The following TNRC6B variants were observed in gnomAD, a reference collection of about 807,000 sequenced individuals.
The protein encoded by TNRC6B is trinucleotide repeat containing adaptor 6B.
TNRC6B carries 52 observed loss-of-function variants against 203.6 expected under a neutral mutation model. That is an observed-to-expected ratio of 0.26 (90% CI 0.20 to 0.32). The LOEUF is 0.32. Ranked by LOEUF, TNRC6B falls within the 10% of genes least tolerant of loss-of-function variation. TNRC6B has a pLI of 1.00. For synonymous variants in TNRC6B, 838 were observed against 845.7 expected, an observed-to-expected ratio of 0.99 and a Z score of 0.16; for missense variants, 1,923 against 2,286.2, an observed-to-expected ratio of 0.84 and a Z score of 3.24.
Position 40,126,593 on chromosome 22 carries a change from T to A in TNRC6B, c.45+731T>A, listed in dbSNP as rs1405842529. ...GGACGTTATTTAATTTTTTTTTTTTTTTTTTTTTTTTTTTTTAGACTGGGC... is the reference window on the plus strand; with the variant it reads ...GGACGTTATTTAATTTTTTTTTTTTATTTTTTTTTTTTTTTTAGACTGGGC... On this transcript the variant is annotated intron_variant, in intron 3 of 23. Transcript: ENST00000301923. Among the ~76,000 whole-genome samples, 18 of 137,628 alleles carry A rather than the reference T, an allele frequency of 1.3e-4. 1 individual carries two copies. Among genetic ancestry groups the A allele is most frequent in the African/African-American group, 4.8e-4 (17 of 35,424 alleles). The allele number at this position is 137,628 out of a possible 152,430, so 90.3% of individuals were successfully genotyped here.
Position 40,246,038 on chromosome 22 carries a change from A to G in TNRC6B, c.29A>G (p.Glu10Gly), listed in dbSNP as rs1325545912. The G allele has an allele frequency of 1.9e-6, 3 of 1,549,126 alleles. No homozygotes were observed. The highest frequency in any genetic ancestry group is 2.6e-6 in the Non-Finnish European group (3 of 1,146,030). Reference protein sequence around the residue: MREKEQEREEQLMEDKKRKK... With the variant: MREKEQEREGQLMEDKKRKK... ...AGAGAGAAGGAGCAAGAAAGGGAAG[A>G]ACAGTTAATGGAAGACAAGAAAAGG... is the stretch of plus-strand genomic sequence containing the variant. Residue 10 changes from glutamate (E) to glycine (G), a missense_variant, in exon 2 of 23, where the codon GAA (glutamate) becomes GGA (glycine). Glu to Gly is a moderately conservative substitution (Grantham distance 98). Around this residue, in one of 8 missense-constraint regions of TNRC6B, gnomAD observed 111 missense variants for 155.3 expected, o/e 0.71. Transcript: ENST00000454349.
intron 4 of TNRC6B, 43 bp from the exon 5 acceptor site, chr22:40,264,645 A>G (rs2070445639): frequency 6.5e-7 from 1 of 1,533,032 alleles, no homozygotes; most frequent in East Asian, 2.3e-5. Context: ...ATGGGTAATG[A>G]ATGCATTTGA....
At chr22:40,227,075 AATT>A (rs66592054) in intron 1 of TNRC6B, among the ~76,000 whole-genome samples, 89,807 of 136,806 alleles carry the variant, frequency 0.66, 30,565 homozygotes, top group South Asian at 0.76. Context: ...ACACCCAGCT[AATT>A]ATTATTATTA....
rs558236723 is a variant in TNRC6B at position 40,163,685 on chromosome 22, C to T, written c.113+7503C>T. On this transcript the variant is annotated intron_variant, in intron 4 of 23. Transcript: ENST00000301923. ...CTGAGGCAGGAGAATCACTTGAACC[C>T]GGGAGGTGGAGGTTGCAGTGAGCCA... Among the ~76,000 whole-genome samples, 262 of 150,970 alleles carry T rather than the reference C, an allele frequency of 1.7e-3. 1 individual carries two copies. The highest frequency in any genetic ancestry group is 2.6e-3 in the Admixed American group (40 of 15,180).
chr22:40,080,887 C>T (rs370372406), intron 1 of TNRC6B, among the ~76,000 whole-genome samples: 11 of 149,602 alleles, frequency 7.4e-5, no homozygotes, highest in African/African-American at 2.0e-4. Flanking sequence ...GGCAGAGTCT[C>T]GCCGTGACAC....
chr22:40,072,272 T>A (rs1309862506), intron 1 of TNRC6B, among the ~76,000 whole-genome samples: 1 of 152,190 alleles, frequency 6.6e-6, no homozygotes, highest in East Asian at 1.9e-4. Context: ...TATAATATAT[T>A]TGACAGTGAG....
intron 1 of TNRC6B, among the ~76,000 whole-genome samples, chr22:40,081,191 T>G (rs1433698133): frequency 6.6e-6 from 1 of 152,208 alleles, no homozygotes; most frequent in African/African-American, 2.4e-5. Context: ...TGCTTCATCT[T>G]TTGTCTCATA....
In TNRC6B at chr22:40,300,877, T is replaced by A. The variant is rs111897485; in HGVS notation, c.3841-33T>A. ...CCTCAGTAAATCAATCTCAGGAAACTTTGGTTTTCTGTCTTTCCCCCTTGT... is the reference window on the plus strand; with the variant it reads ...CCTCAGTAAATCAATCTCAGGAAACATTGGTTTTCTGTCTTTCCCCCTTGT... On this transcript the variant is annotated intron_variant, in intron 13 of 22. Transcript: ENST00000454349. The A allele has an allele frequency of 6.3e-3, 10,030 of 1,598,862 alleles. 64 individuals carry two copies. The highest frequency in any genetic ancestry group is 0.019 in the Middle Eastern group (115 of 6,044).
Position 40,277,975 on chromosome 22 carries a change from T to C in TNRC6B, c.3217-24T>C, listed in dbSNP as rs772644639. On this transcript the variant is annotated intron_variant, in intron 8 of 22. Coordinates refer to ENST00000454349, the MANE Select transcript of TNRC6B (RefSeq NM_001162501.2). ...TCAAAGATGTGCATCCTTAATTCTC[T>C]CTCATCTGTTCTTTATTTTCCAGAG... is the stretch of plus-strand genomic sequence containing the variant. 5 of 1,531,004 alleles carry C rather than the reference T, an allele frequency of 3.3e-6. No homozygotes were observed. The South Asian group carries it at 6.0e-5, about 18-fold the overall frequency. The allele number at this position is 1,531,004 out of a possible 1,614,324, so 94.8% of individuals were successfully genotyped here. A position where few individuals can be genotyped will look rare whatever the true frequency, so the allele number is the denominator to read the frequency against.
chr22:40,266,381 G>C lies in TNRC6B; in HGVS notation c.2151G>C (p.Lys717Asn), dbSNP rs1317436155. 6.2e-7 allele frequency: 1 copy of C among 1,613,590 alleles called. No individual in the cohort carries two copies. ...SNWGGGRPDE[K>N]TPSSWNENPS... ...GGGGAGGAGGACGACCTGATGAAAA[G>C]ACACCTTCCTCTTGGAATGAGAATC... Residue 717 changes from lysine to asparagine, a missense_variant, in exon 5 of 23, where the codon AAG (lysine) becomes AAC (asparagine). By Grantham distance (94) the Lys-to-Asn change is moderately conservative (BLOSUM62 0). Coordinates refer to ENST00000454349, the MANE Select transcript of TNRC6B (RefSeq NM_001162501.2).
chr22:40,073,147 T>TG (rs2067968517), intron 1 of TNRC6B, among the ~76,000 whole-genome samples: 2 of 149,940 alleles, frequency 1.3e-5, no homozygotes, highest in African/African-American at 4.9e-5. Flanking sequence ...CTTGGTTTTT[T>TG]TTTTTTTTTT....
At chr22:40,288,839 CTTT>C (rs1224962691) in intron 12 of TNRC6B, among the ~76,000 whole-genome samples, 2 of 105,102 alleles carry the variant, frequency 1.9e-5, no homozygotes, top group Non-Finnish European at 1.9e-5. Context: ...CTGTGCCCAG[CTTT>C]TTTTTTTTTT....
At chr22:40,212,648 T>A (rs1231603385) in intron 1 of TNRC6B, among the ~76,000 whole-genome samples, 1 of 152,104 alleles carries the variant, frequency 6.6e-6, no homozygotes, top group Non-Finnish European at 1.5e-5. Flanking sequence ...CTTTTTTGTT[T>A]GTTTGTTTTT....
At chr22:40,176,122 CTTT>C (rs984617603), upstream of TNRC6B, among the ~76,000 whole-genome samples, 1 of 131,984 alleles carries the variant, frequency 7.6e-6, no homozygotes, top group Non-Finnish European at 1.6e-5. Context: ...TTCTCATGCA[CTTT>C]TTTTTTTTTT....
intron 1 of TNRC6B, among the ~76,000 whole-genome samples, chr22:40,094,132 C>T (rs77886021): frequency 0.027 from 4,100 of 152,058 alleles, 75 homozygotes; most frequent in Non-Finnish European, 0.041. Context: ...AACAGGATGA[C>T]AGTAGTACTT....
At chr22:40,298,498 T>A (rs980175649) in intron 12 of TNRC6B, among the ~76,000 whole-genome samples, 1 of 152,226 alleles carries the variant, frequency 6.6e-6, no homozygotes, top group Non-Finnish European at 1.5e-5. Context: ...ATTTGAAGAA[T>A]CAGCCTGTGG....
At chr22:40,258,070 CCT>C (rs1491353158) in intron 3 of TNRC6B, among the ~76,000 whole-genome samples, 11 of 58,744 alleles carry the variant, frequency 1.9e-4, no homozygotes, top group Non-Finnish European at 3.4e-4. Flanking sequence ...GGATACACAG[CCT>C]TTTTTTTTTT....
chr22:40,258,660 G>A (rs1779918742), intron 3 of TNRC6B, among the ~76,000 whole-genome samples: 1 of 152,044 alleles, frequency 6.6e-6, no homozygotes, highest in African/African-American at 2.4e-5. Flanking sequence ...CTAATCTCCT[G>A]GGCCAGAGCA....
At chr22:40,053,161 A>T (rs1286577195) in intron 1 of TNRC6B, among the ~76,000 whole-genome samples, 5 of 111,308 alleles carry the variant, frequency 4.5e-5, no homozygotes, top group Admixed American at 1.6e-4. Flanking sequence ...GATTTTCTTT[A>T]AAAAAAAAAA....
Sources: gnomAD v4.1 joint callset for allele counts (sites outside exome capture counted in the v4.1 genomes callset) on GRCh38, gnomAD v4.1.1 for gene constraint, gnomAD v4.1.1 regional missense constraint, MANE v1.5 for transcripts, NCBI Gene and HGNC (gene_info 2026-07-23, HGNC 2026-07-21) for gene names.